Variants in TTYH2 observed in about 807,000 individuals in gnomAD.
TTYH2 encodes protein tweety homolog 2.
A neutral mutation model predicts 68.3 loss-of-function variants in TTYH2; 49 were observed. That is an observed-to-expected ratio of 0.72 (90% CI 0.57 to 0.91). The LOEUF (loss-of-function observed/expected upper bound fraction) is 0.91, where lower values mean the gene tolerates loss of function less well. TTYH2 is among the 40% of genes least tolerant of loss of function. The pLI, the probability that TTYH2 is intolerant of heterozygous loss-of-function variation, is 0.00. For missense variants in TTYH2, 631 were observed against 700.4 expected (o/e 0.90, Z 1.12); for synonymous variants, 272 against 300.8 (o/e 0.90, Z 0.99).
chr17:74,220,953 A>G (rs2050269954), intron 1 of TTYH2, among the ~76,000 whole-genome samples: 1 of 151,890 alleles, frequency 6.6e-6, no homozygotes, highest in African/African-American at 2.4e-5. Flanking sequence ...TGCCCAGCTA[A>G]TTTTTTATTT....
Position 74,213,702 on chromosome 17 carries a change from G to GA in TTYH2, c.116dup (p.Ser40GlufsTer120), listed in dbSNP as rs2050193849. The GA allele has an allele frequency of 6.2e-7, 1 of 1,611,732 alleles. No homozygotes were observed. Among genetic ancestry groups the GA allele is most frequent in the Non-Finnish European group, 8.5e-7 (1 of 1,179,144 alleles). On this transcript the variant is annotated frameshift_variant, in exon 1 of 14. Coordinates refer to ENST00000269346, the MANE Select transcript of TTYH2 (RefSeq NM_032646.6). LOFTEE classifies it high-confidence loss of function. The surrounding 1 kb of genome is among the most constrained non-coding windows in gnomAD (Gnocchi z 6.1). Reference sequence around the variant, plus strand: ...GAACAGCACCTTCAGCCCCGGCGACGAGAGTTACCAGGAGGTAAGTTTACG... The same window carrying GA: ...GAACAGCACCTTCAGCCCCGGCGACGAAGAGTTACCAGGAGGTAAGTTTACG...
At chr17:74,219,403 A>AAAAAAAAAAAAAAAAAAAAG (rs1241503126) in intron 1 of TTYH2, among the ~76,000 whole-genome samples, 3 of 149,546 alleles carry the variant, frequency 2.0e-5, no homozygotes, top group Admixed American at 6.6e-5. Flanking sequence ...AAAAAAAAAA[A>AAAAAAAAAAAAAAAAAAAAG]GAATAACTTA....
chr17:74,250,599 T>C, intron 10 of TTYH2: 1 of 494,958 alleles, frequency 2.0e-6, no homozygotes, highest in South Asian at 2.8e-5. Flanking sequence ...CGGTTGGCTC[T>C]GGGTCACTGG....
chr17:74,240,612 T>C (rs2050489581), intron 4 of TTYH2, among the ~76,000 whole-genome samples: 1 of 152,208 alleles, frequency 6.6e-6, no homozygotes, highest in Non-Finnish European at 1.5e-5. Context: ...GCTTTTGGGA[T>C]AGTCCTTGAG....
intron 5 of TTYH2, 26 bp from the exon 6 acceptor site, chr17:74,243,951 A>G: frequency 6.2e-7 from 1 of 1,608,050 alleles, no homozygotes; most frequent in Non-Finnish European, 8.5e-7. Flanking sequence ...CCCGCCTGCC[A>G]ACGTTGTCGC....
At chr17:74,220,701 G>GAGCCCC (rs11278539) in intron 1 of TTYH2, among the ~76,000 whole-genome samples, 1 of 152,138 alleles carries the variant, frequency 6.6e-6, no homozygotes, top group African/African-American at 2.4e-5. Context: ...CAGGTGGGGA[G>GAGCCCC]AGCCCCAGCC....
At chr17:74,216,605 C>T (rs892000687) in intron 1 of TTYH2, among the ~76,000 whole-genome samples, 1 of 152,246 alleles carries the variant, frequency 6.6e-6, no homozygotes, top group Admixed American at 6.5e-5. Context: ...CCCTCTCCCC[C>T]CAGTGAACTT....
rs2050289160 is a variant in TTYH2, at chr17:74,222,710, C to T, written c.302+53C>T. ...GGTGTGTGACTCAGTCTGCAAGGGG[C>T]CAGGGACTGTTTGACCATGTTCTGA... On this transcript the variant is annotated intron_variant, in intron 2 of 13. Coordinates refer to ENST00000269346, the MANE Select transcript of TTYH2 (RefSeq NM_032646.6). The surrounding 1 kb of genome is among the most constrained non-coding windows in gnomAD (Gnocchi z 5.2). The T allele has an allele frequency of 2.6e-6, 4 of 1,529,942 alleles. No individual in the cohort carries two copies. Among genetic ancestry groups the T allele is most frequent in the Non-Finnish European group, 3.5e-6 (4 of 1,137,604 alleles). The allele number at this position is 1,529,942 out of a possible 1,614,324, so 94.8% of individuals were successfully genotyped here. A position where few individuals can be genotyped will look rare whatever the true frequency, so the allele number is the denominator to read the frequency against.
chr17:74,234,589 T>C (rs2050423541), intron 3 of TTYH2, among the ~76,000 whole-genome samples: 1 of 152,266 alleles, frequency 6.6e-6, no homozygotes, highest in Admixed American at 6.5e-5. Context: ...TTAGTTTTGT[T>C]TCCTGTGGGA....
At chr17:74,249,318 C>T (rs762896704) in intron 7 of TTYH2, 26 bp from the exon 8 acceptor site, 27 of 1,613,946 alleles carry the variant, frequency 1.7e-5, no homozygotes, top group Non-Finnish European at 2.2e-5. Flanking sequence ...TTGTGAGCTG[C>T]CTAACGTTAT....
chr17:74,262,020 AT>A (rs1315932915), downstream of TTYH2: 7 of 152,614 alleles, frequency 4.6e-5, no homozygotes, highest in Admixed American at 3.3e-4. Context: ...TTGTACTAAA[AT>A]GTGCGTTCCG....
At chr17:74,235,384 C>T (rs760403744) in intron 3 of TTYH2, among the ~76,000 whole-genome samples, 1 of 152,230 alleles carries the variant, frequency 6.6e-6, no homozygotes, top group African/African-American at 2.4e-5. Context: ...ACTCCCGGCC[C>T]GTTGTGCTTC....
chr17:74,257,971 T>A (rs967045070), intron 13 of TTYH2, among the ~76,000 whole-genome samples: 21 of 151,956 alleles, frequency 1.4e-4, no homozygotes, highest in Non-Finnish European at 1.5e-4. Flanking sequence ...CTGGTCAACA[T>A]GGTGAAACCC....
intron 6 of TTYH2, among the ~76,000 whole-genome samples, chr17:74,244,969 A>G (rs2050541930): frequency 6.6e-6 from 1 of 152,144 alleles, no homozygotes; most frequent in Non-Finnish European, 1.5e-5. Flanking sequence ...ACTGATTCAA[A>G]GTCCACAGAC....
At chr17:74,253,706 C>A (rs370428953) in intron 12 of TTYH2, 49 bp from the exon 13 acceptor site, 1 of 1,582,844 alleles carries the variant, frequency 6.3e-7, no homozygotes, top group Admixed American at 1.7e-5. Flanking sequence ...TCTACACACA[C>A]CCCCACTCCC....
Position 74,258,841 on chromosome 17 carries a change from T to C in TTYH2, c.1525-1288T>C, listed in dbSNP as rs565108607. ...TGCCCCTGGGAGGTAAAAACATCCC[T>C]GGTTGAGACCCACTGGGTCGAAAAC... On this transcript the variant is annotated intron_variant, in intron 13 of 13. Coordinates refer to ENST00000269346, the MANE Select transcript of TTYH2 (RefSeq NM_032646.6). 2.1e-4 allele frequency among the ~76,000 whole-genome samples: 32 copies of C among 152,224 alleles called. 1 individual carries two copies. The East Asian group carries it at 6.2e-3, about 29-fold the overall frequency.
rs902182908 is a variant in TTYH2, at chr17:74,239,179, G to A, written c.635+1665G>A. ...GCCAGAGGCACTGGACACAATCGGCGGAGCAGGGACCTGCTGCCCCTCTCC... is the reference window on the plus strand; with the variant it reads ...GCCAGAGGCACTGGACACAATCGGCAGAGCAGGGACCTGCTGCCCCTCTCC... On this transcript the variant is annotated intron_variant, in intron 4 of 13. Transcript: ENST00000269346. The surrounding 1 kb of genome is among the most constrained non-coding windows in gnomAD (Gnocchi z 5.3). 4.6e-5 allele frequency among the ~76,000 whole-genome samples: 7 copies of A among 152,194 alleles called. No homozygotes were observed. Among genetic ancestry groups the A allele is most frequent in the African/African-American group, 7.2e-5 (3 of 41,448 alleles).
intron 10 of TTYH2, chr17:74,252,011 C>T (rs1232984500): frequency 3.5e-6 from 2 of 578,458 alleles, no homozygotes; most frequent in Admixed American, 3.1e-5. Flanking sequence ...GTGCCCAGCT[C>T]ACAGTAAGTG....
intron 3 of TTYH2, among the ~76,000 whole-genome samples, chr17:74,236,817 C>T (rs547824185): frequency 7.6e-4 from 115 of 152,180 alleles, no homozygotes; most frequent in African/African-American, 2.7e-3. Flanking sequence ...TCAGTCCTTC[C>T]TCCAGGGGCA....
Sources: gnomAD v4.1 joint callset for allele counts (sites outside exome capture counted in the v4.1 genomes callset) on GRCh38, gnomAD v4.1.1 for gene constraint, Gnocchi (gnomAD v3.1) non-coding constraint, MANE v1.5 for transcripts, NCBI Gene and HGNC (gene_info 2026-07-23, HGNC 2026-07-21) for gene names.